NCAM2: variants seen among roughly 807,000 people sequenced by gnomAD.
NCAM2 encodes the protein neural cell adhesion molecule 2, also known as N-CAM-2.
In NCAM2, 30 loss-of-function variants were observed where a neutral mutation model predicts 98.1. The ratio of observed to expected loss-of-function variants is 0.31; its 90% CI spans 0.23 to 0.41. NCAM2 has a LOEUF of 0.41. NCAM2 is among the 10% of genes least tolerant of loss of function. The pLI is 1.00. For missense variants in NCAM2, 867 were observed against 1,005.8 expected, an observed-to-expected ratio of 0.86 and a Z score of 1.87; for synonymous variants, 368 against 342.4, an observed-to-expected ratio of 1.07 and a Z score of -0.83.
At chr21:21,234,471 G>T (rs1002150688) in intron 1 of NCAM2, among the ~76,000 whole-genome samples, 2 of 151,866 alleles carry the variant, frequency 1.3e-5, no homozygotes, top group South Asian at 2.1e-4. Flanking sequence ...GCATAGGAAA[G>T]AATTTAAATT....
chr21:21,508,912 G>C lies in NCAM2; in HGVS notation c.2139G>C (p.Leu713=). 2 of 1,593,594 alleles carry C rather than the reference G, an allele frequency of 1.3e-6. No homozygotes were observed. The highest frequency in any genetic ancestry group is 8.5e-7 in the Non-Finnish European group (1 of 1,173,656). The change falls in exon 16 of 18, where the codon CTG becomes CTC. Residue 713 remains leucine, a synonymous_variant. Coordinates refer to ENST00000400546, the MANE Select transcript of NCAM2 (RefSeq NM_004540.5). Reference sequence around the variant, plus strand: ...TTGGCCTGGGAGTTGCTGCACTGCTGCTAATTCTTGTGGTAACAGACGTCA... The same window carrying C: ...TTGGCCTGGGAGTTGCTGCACTGCTCCTAATTCTTGTGGTAACAGACGTCA... ...AVIGLGVAAL[L]LILVVTDVSC...
chr21:21,161,330 A>C (rs944321072), intron 1 of NCAM2, among the ~76,000 whole-genome samples: 1 of 151,920 alleles, frequency 6.6e-6, no homozygotes, highest in Admixed American at 6.6e-5. Context: ...CATTTTATTT[A>C]TTTATTTATT....
At position 21,497,106 on chromosome 21, in the gene NCAM2, G is replaced by A. The variant is rs1245318975; in HGVS notation, c.2078-11745G>A. Among the ~76,000 whole-genome samples, 3 of 152,078 alleles carry A rather than the reference G, an allele frequency of 2.0e-5. 1 individual carries two copies. Among genetic ancestry groups the A allele is most frequent in the Non-Finnish European group, 4.4e-5 (3 of 68,002 alleles). ...CCATAGTCCTAAGCAAATTAACTCA[G>A]CAACAGAAAACAAAATATCACATGT... On this transcript the variant is annotated intron_variant, in intron 15 of 17. Coordinates refer to ENST00000400546, the MANE Select transcript of NCAM2 (RefSeq NM_004540.5).
intron 1 of NCAM2, among the ~76,000 whole-genome samples, chr21:21,068,176 G>C (rs1176815583): frequency 1.6e-5 from 2 of 124,650 alleles, no homozygotes; most frequent in Non-Finnish European, 3.1e-5. Context: ...TTGCTCTGTC[G>C]CCTAGGCTGG....
intron 8 of NCAM2, among the ~76,000 whole-genome samples, chr21:21,367,343 C>A (rs535793885): frequency 2.0e-5 from 3 of 151,920 alleles, no homozygotes; most frequent in African/African-American, 7.2e-5. Context: ...TGATAATGTA[C>A]CTTGACAAGG....
chr21:21,485,287 TAA>T (rs1986253002), intron 15 of NCAM2, among the ~76,000 whole-genome samples: 1 of 152,182 alleles, frequency 6.6e-6, no homozygotes, highest in South Asian at 2.1e-4. Context: ...TGTATATGTC[TAA>T]AAAGTTACAC....
At chr21:21,299,380 G>A (rs1368705474) in intron 5 of NCAM2, among the ~76,000 whole-genome samples, 1 of 151,230 alleles carries the variant, frequency 6.6e-6, no homozygotes, top group African/African-American at 2.4e-5. Flanking sequence ...TTCTGATGGT[G>A]AAAGTAATAA....
At chr21:21,209,111 G>GT (rs2069549135) in intron 1 of NCAM2, among the ~76,000 whole-genome samples, 1 of 150,858 alleles carries the variant, frequency 6.6e-6, no homozygotes, top group Non-Finnish European at 1.5e-5. Flanking sequence ...CCCACTCTCA[G>GT]CGTCCTATTA....
chr21:21,274,700 T>C (rs1030194796), intron 1 of NCAM2, among the ~76,000 whole-genome samples: 10 of 152,180 alleles, frequency 6.6e-5, no homozygotes, highest in Non-Finnish European at 1.5e-5. Context: ...TCTTAGTCTT[T>C]TAACACTGTT....
At chr21:21,431,123 T>TTGTGTGTGTGTGTGTGTGTGTGTGTG (rs3037969) in intron 11 of NCAM2, among the ~76,000 whole-genome samples, 2,347 of 141,132 alleles carry the variant, frequency 0.017, 23 homozygotes, top group Admixed American at 0.036. Flanking sequence ...TAATATATGT[T>TTGTGTGTGTGTGTGTGTGTGTGTGTG]TGTGTGTGTG....
intron 5 of NCAM2, among the ~76,000 whole-genome samples, chr21:21,305,997 A>G (rs2073868325): frequency 6.6e-6 from 1 of 152,120 alleles, no homozygotes; most frequent in Non-Finnish European, 1.5e-5. Flanking sequence ...CTTATTATTT[A>G]TCCCATGAAA....
Position 21,347,236 on chromosome 21 carries a change from G to T in NCAM2, c.1044+8702G>T, listed in dbSNP as rs232376. On this transcript the variant is annotated intron_variant, in intron 8 of 17. Transcript: ENST00000400546. ...TGCCAATAAATTGGAAAATCTAGAA[G>T]AAATAGACGAATTCCTATATACATA... 6.1e-3 allele frequency among the ~76,000 whole-genome samples: 934 copies of T among 151,874 alleles called. 15 individuals carry two copies. The highest frequency in any genetic ancestry group is 0.021 in the African/African-American group (861 of 41,514).
At chr21:21,192,052 C>G (rs565916487) in intron 1 of NCAM2, among the ~76,000 whole-genome samples, 6 of 151,968 alleles carry the variant, frequency 3.9e-5, no homozygotes, top group African/African-American at 1.4e-4. Flanking sequence ...TGAAACCCCG[C>G]TTCTACTAAA....
intron 16 of NCAM2, among the ~76,000 whole-genome samples, chr21:21,510,463 C>T (rs986586348): frequency 2.0e-5 from 3 of 152,080 alleles, no homozygotes; most frequent in African/African-American, 7.2e-5. Flanking sequence ...CTGTATCTGA[C>T]ATCTTCAAAA....
At position 21,290,739 on chromosome 21, in the gene NCAM2, C is replaced by T. The variant is rs376379887; in HGVS notation, c.482-1365C>T. On this transcript the variant is annotated intron_variant, in intron 4 of 17. Transcript: ENST00000400546. ...AACAAAAAGCAACTACAGGCTTGTC[C>T]GTTTAATGAGTATCTATGCCCTGAT... is the stretch of plus-strand genomic sequence containing the variant. Among the ~76,000 whole-genome samples, 33 of 151,858 alleles carry T rather than the reference C, an allele frequency of 2.2e-4. No individual in the cohort carries two copies. The East Asian group carries it at 3.5e-3, about 16-fold the overall frequency.
intron 1 of NCAM2, among the ~76,000 whole-genome samples, chr21:21,148,965 C>T (rs372028907): frequency 2.6e-5 from 4 of 151,998 alleles, no homozygotes; most frequent in East Asian, 3.9e-4. Context: ...CTTTCAATGA[C>T]GATTACTAAT....
intron 1 of NCAM2, among the ~76,000 whole-genome samples, chr21:21,014,163 A>G (rs1465422901): frequency 6.6e-6 from 1 of 152,064 alleles, no homozygotes; most frequent in Non-Finnish European, 1.5e-5. Context: ...GAATTACGCT[A>G]AGTCGTAATC....
chr21:21,446,670 A>G (rs1457153281), intron 12 of NCAM2, among the ~76,000 whole-genome samples: 2 of 152,096 alleles, frequency 1.3e-5, no homozygotes, highest in East Asian at 3.9e-4. Flanking sequence ...TCAGCCCAAA[A>G]TGCCCTTAAT....
At chr21:21,400,657 C>T (rs901213598) in intron 9 of NCAM2, among the ~76,000 whole-genome samples, 1 of 149,408 alleles carries the variant, frequency 6.7e-6, no homozygotes, top group Non-Finnish European at 1.5e-5. Context: ...GCAATCTTGG[C>T]TCACTGCAAC....
Sources: gnomAD v4.1 joint callset for allele counts (sites outside exome capture counted in the v4.1 genomes callset) on GRCh38, gnomAD v4.1.1 for gene constraint, MANE v1.5 for transcripts, NCBI Gene and HGNC (gene_info 2026-07-23, HGNC 2026-07-21) for gene names.